The following EZHIP variants were observed in gnomAD, a reference collection of about 807,000 sequenced individuals.
EZHIP encodes the protein EZH inhibitory protein.
For missense variants in EZHIP, 428 were observed against 204.2 expected (o/e 2.10, Z -6.68); for synonymous variants, 192 against 86.5 (o/e 2.22, Z -6.77).
Position 51,407,289 on chromosome X carries a change from T to C in EZHIP, c.273T>C (p.Ala91=), listed in dbSNP as rs1557318648. The C allele has an allele frequency of 3.5e-6, 2 of 571,164 alleles. No individual in the cohort carries two copies. Among genetic ancestry groups the C allele is most frequent in the Middle Eastern group, 3.1e-4 (1 of 3,248 alleles). 47.1% of individuals were successfully genotyped at this position (571,164 alleles called of 1,213,427 possible). The stretch of plus-strand genomic sequence containing the variant: ...CCTCGGGGCTGCCAATCATAGCTGC[T>C]GTGCTGACGGAGAGGCATTCTGACC... ...DEASGLPIIA[A]VLTERHSDRQ... The change falls in exon 1 of 1, where the codon GCT becomes GCC. Residue 91 remains alanine (A), a synonymous_variant. Transcript: ENST00000342995.
rs1428556706 is a variant in EZHIP at position 51,407,744 on chromosome X, G to T, written c.728G>T (p.Gly243Val). The change falls in exon 1 of 1, where the codon GGC becomes GTC. Residue 243 changes from glycine (G) to valine (V), a missense_variant. Gly to Val is a moderately radical substitution (Grantham distance 109). Coordinates refer to ENST00000342995, the MANE Select transcript of EZHIP (RefSeq NM_203407.3). ...PVIRGCTAQP[G>V]PAFPHRATHL... ...ATCCGAGGCTGCACCGCCCAGCCAG[G>T]CCCTGCTTTTCCACACCGCGCCACT... The T allele has an allele frequency of 3.5e-6, 2 of 567,180 alleles. No homozygotes were observed. Among genetic ancestry groups the T allele is most frequent in the Non-Finnish European group, 6.5e-6 (2 of 308,142 alleles). The allele number at this position is 567,180 out of a possible 1,213,427, so 46.7% of individuals were successfully genotyped here.
At position 51,407,353 on chromosome X, in the gene EZHIP, G is replaced by C; in HGVS notation, c.337G>C (p.Val113Leu). The part of the protein sequence containing the change: ...CRSPHEVFGC[V>L]VPEGGSQAAV... ...CAGTCCTCACGAAGTTTTTGGGTGT[G>C]TGGTGCCCGAGGGGGGCAGCCAGGC... Residue 113 changes from valine to leucine, a missense_variant, in exon 1 of 1, where the codon GTG becomes CTG. Coordinates refer to ENST00000342995, the MANE Select transcript of EZHIP (RefSeq NM_203407.3). 1.8e-6 allele frequency: 1 copy of C among 567,386 alleles called. No individual in the cohort carries two copies. The highest frequency in any genetic ancestry group is 3.2e-6 in the Non-Finnish European group (1 of 307,853). The allele number at this position is 567,386 out of a possible 1,213,427, so 46.8% of individuals were successfully genotyped here.
Position 51,407,992 on chromosome X carries a change from C to G in EZHIP, c.976C>G (p.Arg326Gly), listed in dbSNP as rs868990578. 6 of 567,630 alleles carry G rather than the reference C, an allele frequency of 1.1e-5. No homozygotes were observed. Among genetic ancestry groups the G allele is most frequent in the Non-Finnish European group, 1.9e-5 (6 of 309,145 alleles). 46.8% of individuals were successfully genotyped at this position (567,630 alleles called of 1,213,427 possible). ...TGCGCCAGGCCCTGCCCTTCGCGTCCGCACAGCAAGGTCAGACGCCGGTCA... is the reference window on the plus strand; with the variant it reads ...TGCGCCAGGCCCTGCCCTTCGCGTCGGCACAGCAAGGTCAGACGCCGGTCA... Reference protein sequence around the residue: ...DSAPGPALRVRTARSDAGHRS... With the variant: ...DSAPGPALRVGTARSDAGHRS... The change falls in exon 1 of 1, where the codon CGC becomes GGC. Residue 326 changes from arginine to glycine, a missense_variant. Coordinates refer to ENST00000342995, the MANE Select transcript of EZHIP (RefSeq NM_203407.3).
At position 51,407,490 on chromosome X, in the gene EZHIP, G is replaced by A. The variant is rs782320955; in HGVS notation, c.474G>A (p.Pro158=). ...RKQPCRNQAA[P]AQKPPGRRLF... is the part of the protein sequence containing the mutation. ...AGCCCTGCCGCAACCAGGCTGCCCC[G>A]GCTCAGAAGCCTCCAGGGCGGCGTC... Residue 158 remains proline, a synonymous_variant, in exon 1 of 1, where the codon CCG becomes CCA. Transcript: ENST00000342995. 1.5e-5 allele frequency: 8 copies of A among 539,589 alleles called. No individual in the cohort carries two copies. In the Admixed American group the frequency reaches 1.7e-4, roughly 12 times the overall value. 44.5% of individuals were successfully genotyped at this position (539,589 alleles called of 1,213,427 possible).
At position 51,408,299 on chromosome X, in the gene EZHIP, GCTC is replaced by G. The variant is rs781810516; in HGVS notation, c.1295_1297del (p.Ser432del). 30 of 569,143 alleles carry G rather than the reference GCTC, an allele frequency of 5.3e-5. No homozygotes were observed. Among genetic ancestry groups the G allele is most frequent in the Admixed American group, 2.4e-4 (11 of 45,021 alleles). The allele number at this position is 569,143 out of a possible 1,213,427, so 46.9% of individuals were successfully genotyped here. A position where few individuals can be genotyped will look rare whatever the true frequency, so the allele number is the denominator to read the frequency against. On this transcript the variant is annotated inframe_deletion, in exon 1 of 1. Coordinates refer to ENST00000342995, the MANE Select transcript of EZHIP (RefSeq NM_203407.3). ...CCCATCCCTCAGCAGTGGGATGAGA[GCTC>G]CTCCTCCTCCTATGCTTCCAACTCC...
rs1557318950 is a variant in EZHIP, at chrX:51,408,334, C to G, written c.1318C>G (p.Pro440Ala). ...SSSYASNSSS[P>A]SRSPGLSPSS... ...CTCCTATGCTTCCAACTCCTCCTCC[C>G]CGAGTAGGTCTCCTGGCCTAAGCCC... is the stretch of plus-strand genomic sequence containing the variant. The change falls in exon 1 of 1, where the codon CCG becomes GCG. Residue 440 changes from proline to alanine, a missense_variant. Pro to Ala is a conservative substitution (Grantham distance 27). Transcript: ENST00000342995. 1 of 569,353 alleles carries G rather than the reference C, an allele frequency of 1.8e-6. No homozygotes were observed. Among genetic ancestry groups the G allele is most frequent in the Non-Finnish European group, 3.2e-6 (1 of 309,298 alleles). The allele number at this position is 569,353 out of a possible 1,213,427, so 46.9% of individuals were successfully genotyped here.
Position 51,407,510 on chromosome X carries a change from G to T in EZHIP, c.494G>T (p.Arg165Leu). Reference protein sequence around the residue: ...QAAPAQKPPGRRLFPEPLPPS... With the variant: ...QAAPAQKPPGLRLFPEPLPPS... ...GCCCCGGCTCAGAAGCCTCCAGGGCGGCGTCTGTTTCCTGAGCCTTTGCCG... is the reference window on the plus strand; with the variant it reads ...GCCCCGGCTCAGAAGCCTCCAGGGCTGCGTCTGTTTCCTGAGCCTTTGCCG... Residue 165 changes from arginine (R) to leucine (L), a missense_variant, in exon 1 of 1, where the codon CGG becomes CTG. By Grantham distance (102) the Arg-to-Leu change is moderately radical. Coordinates refer to ENST00000342995, the MANE Select transcript of EZHIP (RefSeq NM_203407.3). 1 of 544,472 alleles carries T rather than the reference G, an allele frequency of 1.8e-6. No homozygotes were observed. The highest frequency in any genetic ancestry group is 2.4e-5 in the Admixed American group (1 of 41,836). 44.9% of individuals were successfully genotyped at this position (544,472 alleles called of 1,213,427 possible).
chrX:51,408,203 C>T lies in EZHIP; in HGVS notation c.1187C>T (p.Ala396Val), dbSNP rs782378166. ...GSPDPEVPSR[A>V]SPPVWHAVRM... ...CCTGATCCTGAGGTCCCAAGCCGTGCTTCCCCGCCTGTTTGGCATGCAGTC... is the reference window on the plus strand; with the variant it reads ...CCTGATCCTGAGGTCCCAAGCCGTGTTTCCCCGCCTGTTTGGCATGCAGTC... Residue 396 changes from alanine to valine, a missense_variant, in exon 1 of 1, where the codon GCT becomes GTT. Ala to Val is a moderately conservative substitution (Grantham distance 64, BLOSUM62 0). Coordinates refer to ENST00000342995, the MANE Select transcript of EZHIP (RefSeq NM_203407.3). 3.9e-5 allele frequency: 22 copies of T among 569,293 alleles called. No homozygotes were observed. Among genetic ancestry groups the T allele is most frequent in the Non-Finnish European group, 6.8e-5 (21 of 308,852 alleles). 46.9% of individuals were successfully genotyped at this position (569,293 alleles called of 1,213,427 possible).
At position 51,408,026 on chromosome X, in the gene EZHIP, C is replaced by T. The variant is rs146759643; in HGVS notation, c.1010C>T (p.Thr337Ile). 10 of 569,527 alleles carry T rather than the reference C, an allele frequency of 1.8e-5. No homozygotes were observed. The highest frequency in any genetic ancestry group is 1.1e-4 in the African/African-American group (5 of 45,167). 46.9% of individuals were successfully genotyped at this position (569,527 alleles called of 1,213,427 possible). The change falls in exon 1 of 1, where the codon ACC (threonine) becomes ATC (isoleucine). Residue 337 changes from threonine to isoleucine, a missense_variant. Coordinates refer to ENST00000342995, the MANE Select transcript of EZHIP (RefSeq NM_203407.3). ...TARSDAGHRS[T>I]STTPGTGLRS... Reference sequence around the variant, plus strand: ...AGGTCAGACGCCGGTCATCGCAGCACCAGCACGACGCCAGGCACTGGCCTC... The same window carrying T: ...AGGTCAGACGCCGGTCATCGCAGCATCAGCACGACGCCAGGCACTGGCCTC...
At position 51,407,458 on chromosome X, in the gene EZHIP, A is replaced by T. The variant is rs1557318706; in HGVS notation, c.442A>T (p.Arg148Trp). 1.9e-6 allele frequency: 1 copy of T among 532,763 alleles called. No homozygotes were observed. The highest frequency in any genetic ancestry group is 3.4e-6 in the Non-Finnish European group (1 of 290,681). The allele number at this position is 532,763 out of a possible 1,213,427, so 43.9% of individuals were successfully genotyped here. Residue 148 changes from arginine to tryptophan, a missense_variant, in exon 1 of 1, where the codon AGG (arginine) becomes TGG (tryptophan). Coordinates refer to ENST00000342995, the MANE Select transcript of EZHIP (RefSeq NM_203407.3). Reference sequence around the variant, plus strand: ...CAAGAGCCCCGGGAACAGCCGTCGTAGGAAGCAGCCCTGCCGCAACCAGGC... The same window carrying T: ...CAAGAGCCCCGGGAACAGCCGTCGTTGGAAGCAGCCCTGCCGCAACCAGGC... Reference protein sequence around the residue: ...QTKSPGNSRRRKQPCRNQAAP... With the variant: ...QTKSPGNSRRWKQPCRNQAAP...
rs368496100 is a variant in EZHIP at position 51,407,292 on chromosome X, G to A, written c.276G>A (p.Val92=). The A allele has an allele frequency of 7.4e-5, 42 of 569,710 alleles. No individual in the cohort carries two copies. In the African/African-American group the frequency reaches 7.8e-4, roughly 11 times the overall value. 47.0% of individuals were successfully genotyped at this position (569,710 alleles called of 1,213,427 possible). ...CGGGGCTGCCAATCATAGCTGCTGT[G>A]CTGACGGAGAGGCATTCTGACCGCC... is the stretch of plus-strand genomic sequence containing the variant. ...EASGLPIIAA[V]LTERHSDRQD... Residue 92 remains valine (V), a synonymous_variant, in exon 1 of 1, where the codon GTG becomes GTA. Transcript: ENST00000342995.
rs1557318759 is a variant in EZHIP at position 51,407,646 on chromosome X, G to C, written c.630G>C (p.Arg210Ser). The part of the protein sequence containing the change: ...PALLSHASEA[R>S]PATRSRITLV... The stretch of plus-strand genomic sequence containing the variant: ...TCCTAAGCCACGCATCTGAGGCAAG[G>C]CCTGCTACCCGAAGCCGCATCACCC... Residue 210 changes from arginine (R) to serine (S), a missense_variant, in exon 1 of 1, where the codon AGG becomes AGC. Arg to Ser is a moderately radical substitution (Grantham distance 110). Coordinates refer to ENST00000342995, the MANE Select transcript of EZHIP (RefSeq NM_203407.3). 3 of 563,066 alleles carry C rather than the reference G, an allele frequency of 5.3e-6. No homozygotes were observed. 46.4% of individuals were successfully genotyped at this position (563,066 alleles called of 1,213,427 possible).
In EZHIP at chrX:51,407,184, C is replaced by T. The variant is rs937076642; in HGVS notation, c.168C>T (p.Gly56=). 1.8e-6 allele frequency: 1 copy of T among 570,497 alleles called. No homozygotes were observed. The highest frequency in any genetic ancestry group is 2.2e-5 in the Admixed American group (1 of 45,253). 47.0% of individuals were successfully genotyped at this position (570,497 alleles called of 1,213,427 possible). ...TTVSSQASPS[G]GAALSSSTAG... The stretch of plus-strand genomic sequence containing the variant: ...TCTCCAGCCAAGCATCTCCCTCGGG[C>T]GGCGCCGCCCTAAGCAGCAGCACAG... The change falls in exon 1 of 1, where the codon GGC becomes GGT. Residue 56 remains glycine (G), a synonymous_variant. Coordinates refer to ENST00000342995, the MANE Select transcript of EZHIP (RefSeq NM_203407.3).
chrX:51,407,093 C>T lies in EZHIP; in HGVS notation c.77C>T (p.Thr26Ile). ...GGGCAGGGAGGGCTGAACAACGAAA[C>T]CGCCCTTGCCTCCGGGGATGCCTGC... ...DEGQGGLNNE[T>I]ALASGDACGT... The change falls in exon 1 of 1, where the codon ACC (threonine) becomes ATC (isoleucine). Residue 26 changes from threonine (T) to isoleucine (I), a missense_variant. Physicochemically the swap from Thr to Ile is moderately conservative, Grantham distance 89 (BLOSUM62 -1). Transcript: ENST00000342995. 1 of 570,615 alleles carries T rather than the reference C, an allele frequency of 1.8e-6. No homozygotes were observed. The allele number at this position is 570,615 out of a possible 1,213,427, so 47.0% of individuals were successfully genotyped here.
rs782700812 is a variant in EZHIP at position 51,407,326 on chromosome X, C to T, written c.310C>T (p.Arg104Cys). The T allele has an allele frequency of 8.8e-6, 5 of 569,080 alleles. No homozygotes were observed. The East Asian group carries it at 1.3e-4, about 15-fold the overall frequency. The allele number at this position is 569,080 out of a possible 1,213,427, so 46.9% of individuals were successfully genotyped here. ...GAGGCATTCTGACCGCCAGGACTGC[C>T]GCAGTCCTCACGAAGTTTTTGGGTG... ...TERHSDRQDC[R>C]SPHEVFGCVV... The change falls in exon 1 of 1, where the codon CGC becomes TGC. Residue 104 changes from arginine to cysteine, a missense_variant. Physicochemically the swap from Arg to Cys is radical, Grantham distance 180 (BLOSUM62 -3). Transcript: ENST00000342995.
rs151057158 is a variant in EZHIP, at chrX:51,408,335, C to T, written c.1319C>T (p.Pro440Leu). 16 of 569,375 alleles carry T rather than the reference C, an allele frequency of 2.8e-5. No individual in the cohort carries two copies. The highest frequency in any genetic ancestry group is 4.5e-5 in the Non-Finnish European group (14 of 309,301). The allele number at this position is 569,375 out of a possible 1,213,427, so 46.9% of individuals were successfully genotyped here. A position where few individuals can be genotyped will look rare whatever the true frequency, so the allele number is the denominator to read the frequency against. Residue 440 changes from proline to leucine, a missense_variant, in exon 1 of 1, where the codon CCG (proline) becomes CTG (leucine). Pro to Leu is a moderately conservative substitution (Grantham distance 98). Coordinates refer to ENST00000342995, the MANE Select transcript of EZHIP (RefSeq NM_203407.3). ...TCCTATGCTTCCAACTCCTCCTCCC[C>T]GAGTAGGTCTCCTGGCCTAAGCCCC... ...SSSYASNSSS[P>L]SRSPGLSPSS...
In EZHIP at chrX:51,407,230, G is replaced by C. The variant is rs782279999; in HGVS notation, c.214G>C (p.Ala72Pro). Residue 72 changes from alanine to proline, a missense_variant, in exon 1 of 1, where the codon GCC becomes CCC. Physicochemically the swap from Ala to Pro is conservative, Grantham distance 27 (BLOSUM62 -1). Coordinates refer to ENST00000342995, the MANE Select transcript of EZHIP (RefSeq NM_203407.3). ...CACAGCCGGTTCTTCCGCTGCAGCCGCCACCTCCGCCGCCATTTTCATCAC... is the reference window on the plus strand; with the variant it reads ...CACAGCCGGTTCTTCCGCTGCAGCCCCCACCTCCGCCGCCATTTTCATCAC... ...SSTAGSSAAA[A>P]TSAAIFITDE... The C allele has an allele frequency of 7.0e-6, 4 of 569,688 alleles. No individual in the cohort carries two copies. The highest frequency in any genetic ancestry group is 2.2e-5 in the Admixed American group (1 of 45,217). 46.9% of individuals were successfully genotyped at this position (569,688 alleles called of 1,213,427 possible). A position where few individuals can be genotyped will look rare whatever the true frequency, so the allele number is the denominator to read the frequency against.
rs375824084 is a variant in EZHIP at position 51,408,136 on chromosome X, A to G, written c.1120A>G (p.Thr374Ala). ...GSADENPSCG[T>A]GSERLAFQSR... ...AGCTGATGAGAATCCTTCCTGTGGG[A>G]CTGGCTCAGAAAGGCTTGCCTTTCA... is the stretch of plus-strand genomic sequence containing the variant. Residue 374 changes from threonine (T) to alanine (A), a missense_variant, in exon 1 of 1, where the codon ACT (threonine) becomes GCT (alanine). By Grantham distance (58) the Thr-to-Ala change is moderately conservative. Coordinates refer to ENST00000342995, the MANE Select transcript of EZHIP (RefSeq NM_203407.3). 2.5e-4 allele frequency: 145 copies of G among 569,509 alleles called. No individual in the cohort carries two copies. Among genetic ancestry groups the G allele is most frequent in the South Asian group, 2.3e-3 (104 of 44,816 alleles). The allele number at this position is 569,509 out of a possible 1,213,427, so 46.9% of individuals were successfully genotyped here.
At position 51,407,877 on chromosome X, in the gene EZHIP, C is replaced by T. The variant is rs781838542; in HGVS notation, c.861C>T (p.Gly287=). 3.1e-5 allele frequency: 17 copies of T among 556,974 alleles called. No homozygotes were observed. The highest frequency in any genetic ancestry group is 5.6e-5 in the Non-Finnish European group (17 of 305,301). 45.9% of individuals were successfully genotyped at this position (556,974 alleles called of 1,213,427 possible). A position where few individuals can be genotyped will look rare whatever the true frequency, so the allele number is the denominator to read the frequency against. ...GCCGAGGCTGCGATTCTGCGCCAGG[C>T]CCTGCCCGCCGAGGCCGCGATTCTG... is the stretch of plus-strand genomic sequence containing the variant. The part of the protein sequence containing the change: ...PARRGCDSAP[G]PARRGRDSAP... The change falls in exon 1 of 1, where the codon GGC becomes GGT. Residue 287 remains glycine, a synonymous_variant. Transcript: ENST00000342995.
Sources: gnomAD v4.1 joint callset for allele counts on GRCh38, gnomAD v4.1.1 for gene constraint, MANE v1.5 for transcripts, NCBI Gene and HGNC (gene_info 2026-07-23, HGNC 2026-07-21) for gene names.